Variants in ROBO2 observed in about 807,000 individuals in gnomAD.
The protein encoded by ROBO2 is roundabout guidance receptor 2, also known as roundabout homolog 2.
ROBO2 carries 53 observed loss-of-function variants against 160.8 expected under a neutral mutation model. The observed-to-expected ratio is 0.33, with a 90% CI of 0.26 to 0.41. ROBO2 has a LOEUF of 0.41. Ranked by LOEUF, ROBO2 falls within the 10% of genes least tolerant of loss-of-function variation. The probability of loss-of-function intolerance (pLI) is 1.00; values close to 1 mark genes in which losing one functional copy is unlikely to be tolerated. For missense variants in ROBO2, 1,577 were observed against 1,722.4 expected (o/e 0.92, Z 1.49); for synonymous variants, 664 against 611.7 (o/e 1.09, Z -1.26).
At chr3:76,860,216 A>G (rs1015867210) in intron 2 of ROBO2, among the ~76,000 whole-genome samples, 1 of 152,114 alleles carries the variant, frequency 6.6e-6, no homozygotes, top group Non-Finnish European at 1.5e-5. Context: ...TATTCCCACT[A>G]TACCCCCGAC....
At chr3:76,036,138 G>T (rs1187530025) in intron 2 of ROBO2, among the ~76,000 whole-genome samples, 1 of 151,782 alleles carries the variant, frequency 6.6e-6, no homozygotes, top group African/African-American at 2.4e-5. Context: ...GCATTTGGAG[G>T]TTAGAAAGAA....
chr3:76,425,666 C>T (rs1262947258), intron 2 of ROBO2, among the ~76,000 whole-genome samples: 11 of 152,040 alleles, frequency 7.2e-5, no homozygotes, highest in Non-Finnish European at 5.9e-5. Context: ...TATCTGTTTA[C>T]GTTTCTGACT....
At chr3:76,882,295 A>C (rs2073431471) in intron 2 of ROBO2, among the ~76,000 whole-genome samples, 1 of 152,180 alleles carries the variant, frequency 6.6e-6, no homozygotes, top group South Asian at 2.1e-4. Context: ...ATTCTCGCAG[A>C]GGTGAAACAA....
intron 2 of ROBO2, among the ~76,000 whole-genome samples, chr3:76,347,404 T>C (rs572036412): frequency 1.4e-4 from 21 of 152,232 alleles, no homozygotes; most frequent in Non-Finnish European, 2.6e-4. Context: ...GTGATGATGT[T>C]AGTGTGTGTG....
chr3:76,772,558 G>T (rs2061977969), intron 2 of ROBO2, among the ~76,000 whole-genome samples: 1 of 148,796 alleles, frequency 6.7e-6, no homozygotes, highest in African/African-American at 2.5e-5. Flanking sequence ...TTAAGAAATG[G>T]GACTGGATTT....
chr3:77,205,232 G>A (rs2083308055), intron 2 of ROBO2, among the ~76,000 whole-genome samples: 1 of 152,062 alleles, frequency 6.6e-6, no homozygotes, highest in South Asian at 2.1e-4. Flanking sequence ...GTCACACATG[G>A]GCTTGAAGGA....
intron 2 of ROBO2, among the ~76,000 whole-genome samples, chr3:77,291,277 C>A (rs1158464813): frequency 1.3e-5 from 2 of 151,990 alleles, no homozygotes; most frequent in Non-Finnish European, 2.9e-5. Context: ...GAGGCTAGAT[C>A]ACCCCAGACA....
rs368632685 is a variant in ROBO2, at chr3:76,718,121, T to C, written c.110-379893T>C. Among the ~76,000 whole-genome samples the C allele has an allele frequency of 1.1e-4, 17 of 152,310 alleles. 1 individual carries two copies. In the South Asian group the frequency reaches 1.2e-3, roughly 11 times the overall value. The stretch of plus-strand genomic sequence containing the variant: ...TGGATAAACGATGTGTATAAGTGTC[T>C]ACCATAGACAGGATTATCTCTATAA... On this transcript the variant is annotated intron_variant, in intron 2 of 26. Coordinates refer to the ROBO2 transcript ENST00000487694.
rs138214892 is a variant in ROBO2 at position 75,986,857 on chromosome 3, C to A, written c.109+49255C>A. ...TTCCCACATTCAATGGTCTTGGACC[C>A]ATGGTCAAAAATCATTTCACCATAC... is the stretch of plus-strand genomic sequence containing the variant. On this transcript the variant is annotated intron_variant, in intron 2 of 26. Transcript: ENST00000487694. Among the ~76,000 whole-genome samples, 86 of 151,508 alleles carry A rather than the reference C, an allele frequency of 5.7e-4. 1 individual carries two copies. The highest frequency in any genetic ancestry group is 2.0e-3 in the African/African-American group (81 of 41,414).
chr3:76,963,647 C>T lies in ROBO2; in HGVS notation c.110-134367C>T, dbSNP rs570786432. On this transcript the variant is annotated intron_variant, in intron 2 of 26. Transcript: ENST00000487694. ...TAAAGCAGTGATTTTATAATAAAAG[C>T]GATAAAATTGCCTGAGTAACTTTCT... 1.8e-4 allele frequency among the ~76,000 whole-genome samples: 28 copies of T among 151,740 alleles called. No homozygotes were observed. In the South Asian group the frequency reaches 3.5e-3, roughly 19 times the overall value.
intron 2 of ROBO2, among the ~76,000 whole-genome samples, chr3:76,741,157 A>G (rs2093795946): frequency 6.6e-6 from 1 of 152,084 alleles, no homozygotes; most frequent in Non-Finnish European, 1.5e-5. Flanking sequence ...TTACAGAAAC[A>G]TCTGAAACAT....
At chr3:76,085,776 AC>A (rs1322749253) in intron 2 of ROBO2, among the ~76,000 whole-genome samples, 1 of 152,116 alleles carries the variant, frequency 6.6e-6, no homozygotes, top group East Asian at 1.9e-4. Context: ...ATTGCTGGAG[AC>A]CCACTGTGGA....
intron 2 of ROBO2, among the ~76,000 whole-genome samples, chr3:76,620,932 T>G (rs754439189): frequency 1.4e-4 from 21 of 152,150 alleles, no homozygotes; most frequent in Non-Finnish European, 2.4e-4. Context: ...TTTAGATGTA[T>G]AAAGAAATAT....
At chr3:76,427,002 T>C (rs902752517) in intron 2 of ROBO2, among the ~76,000 whole-genome samples, 3 of 152,268 alleles carry the variant, frequency 2.0e-5, no homozygotes, top group Admixed American at 6.5e-5. Flanking sequence ...TAGCAACACA[T>C]AGATGCACGT....
intron 1 of ROBO2, among the ~76,000 whole-genome samples, chr3:77,062,715 A>T (rs56303651): frequency 0.31 from 46,514 of 151,906 alleles, 8,970 homozygotes; most frequent in East Asian, 0.62. Flanking sequence ...GGTACTTAGC[A>T]CTCCACCAGG....
At chr3:76,537,733 G>C (rs1383258610) in intron 2 of ROBO2, among the ~76,000 whole-genome samples, 2 of 152,260 alleles carry the variant, frequency 1.3e-5, no homozygotes, top group South Asian at 2.1e-4. Context: ...GAGCAACAAG[G>C]CTGCTTATTC....
At chr3:76,694,368 C>T (rs1350770791) in intron 2 of ROBO2, among the ~76,000 whole-genome samples, 1 of 152,130 alleles carries the variant, frequency 6.6e-6, no homozygotes, top group Non-Finnish European at 1.5e-5. Flanking sequence ...TCCTACGATC[C>T]AATAGCTTGA....
intron 23 of ROBO2, among the ~76,000 whole-genome samples, chr3:77,627,492 C>T (rs1028042624): frequency 4.0e-5 from 6 of 151,772 alleles, no homozygotes; most frequent in African/African-American, 1.5e-4. Flanking sequence ...ACCATGTTGG[C>T]CAAGCTGTTC....
chr3:76,135,723 C>T (rs958052681), intron 2 of ROBO2, among the ~76,000 whole-genome samples: 1 of 152,116 alleles, frequency 6.6e-6, no homozygotes, highest in Non-Finnish European at 1.5e-5. Context: ...GAATAGAACT[C>T]AGGTCTCATG....
Sources: allele counts gnomAD v4.1 joint callset (sites outside exome capture counted in the v4.1 genomes callset), GRCh38; gene constraint gnomAD v4.1.1; transcripts MANE v1.5; gene names NCBI Gene and HGNC (gene_info 2026-07-23, HGNC 2026-07-21).